Variants in PDZRN3 observed in about 807,000 individuals in gnomAD.
The protein encoded by PDZRN3 is PDZ domain containing ring finger 3, also known as E3 ubiquitin-protein ligase PDZRN3.
In PDZRN3, 38 loss-of-function variants were observed where a neutral mutation model predicts 85.7. The observed-to-expected ratio is 0.44, with a 90% CI of 0.34 to 0.58. The LOEUF is 0.58. PDZRN3 is among the 20% of genes least tolerant of loss of function. The probability of loss-of-function intolerance (pLI) is 0.01; values close to 1 mark genes in which losing one functional copy is unlikely to be tolerated. For synonymous variants in PDZRN3, 759 were observed against 638.0 expected, an observed-to-expected ratio of 1.19 and a Z score of -2.86; for missense variants, 1,629 against 1,506.4, an observed-to-expected ratio of 1.08 and a Z score of -1.35.
At chr3:73,495,055 T>C (rs1375130398) in intron 3 of PDZRN3, among the ~76,000 whole-genome samples, 1 of 152,156 alleles carries the variant, frequency 6.6e-6, no homozygotes, top group East Asian at 1.9e-4. Flanking sequence ...GCTGGAAAAC[T>C]GCCTATGGGG....
intron 3 of PDZRN3, among the ~76,000 whole-genome samples, chr3:73,509,358 G>A (rs1316057136): frequency 2.0e-5 from 3 of 152,154 alleles, no homozygotes; most frequent in Non-Finnish European, 4.4e-5. Context: ...AGACCCATGC[G>A]GTCTCAGCCC....
Position 73,431,166 on chromosome 3 carries a change from A to G in PDZRN3, c.919-26771T>C, listed in dbSNP as rs369169753. ...GTGCATCTTTTAATGCATGGCCCCA[A>G]TCACTGATGCGTCTGCACTCTTTGC... is the stretch of plus-strand genomic sequence containing the variant. On this transcript the variant is annotated intron_variant, in intron 3 of 9. Transcript: ENST00000263666. Among the ~76,000 whole-genome samples the G allele has an allele frequency of 1.4e-3, 208 of 152,330 alleles. 2 individuals are homozygous for G. The highest frequency in any genetic ancestry group is 4.3e-3 in the African/African-American group (179 of 41,578).
At chr3:73,575,894 T>A (rs1702116286) in intron 3 of PDZRN3, among the ~76,000 whole-genome samples, 1 of 152,154 alleles carries the variant, frequency 6.6e-6, no homozygotes. Context: ...TCTTAACAAA[T>A]GTATATTTGA....
At chr3:73,387,524 T>C (rs905938992) in intron 8 of PDZRN3, among the ~76,000 whole-genome samples, 2 of 152,208 alleles carry the variant, frequency 1.3e-5, no homozygotes, top group African/African-American at 4.8e-5. Context: ...CTAGCACTTA[T>C]TCGGTGGTCA....
At chr3:73,424,367 C>CAA (rs66466551) in intron 3 of PDZRN3, among the ~76,000 whole-genome samples, 13,936 of 54,786 alleles carry the variant, frequency 0.25, 2,139 homozygotes, top group East Asian at 0.58. Context: ...CCGTCTCTAC[C>CAA]AAAAAAAAAA....
intron 3 of PDZRN3, among the ~76,000 whole-genome samples, chr3:73,429,122 G>A (rs959317051): frequency 2.6e-5 from 4 of 151,844 alleles, no homozygotes; most frequent in Non-Finnish European, 5.9e-5. Context: ...AGTTGCCCTG[G>A]CCATTCCTGA....
At chr3:73,386,898 C>T (rs1701406228) in intron 8 of PDZRN3, among the ~76,000 whole-genome samples, 1 of 152,154 alleles carries the variant, frequency 6.6e-6, no homozygotes, top group South Asian at 2.1e-4. Context: ...TATGGTTTGG[C>T]TGTCCCCACC....
chr3:73,554,243 C>T (rs746476419), intron 3 of PDZRN3, among the ~76,000 whole-genome samples: 34 of 152,060 alleles, frequency 2.2e-4, no homozygotes, highest in Non-Finnish European at 4.3e-4. Flanking sequence ...ATGCAGCTTA[C>T]GAGGTGTGAC....
intron 3 of PDZRN3, among the ~76,000 whole-genome samples, chr3:73,421,827 T>G (rs1315751459): frequency 6.6e-6 from 1 of 152,160 alleles, no homozygotes; most frequent in African/African-American, 2.4e-5. Context: ...TTTTGTATTT[T>G]TAATAGAAAC....
chr3:73,447,479 T>C (rs1238020037), intron 3 of PDZRN3, among the ~76,000 whole-genome samples: 1 of 152,146 alleles, frequency 6.6e-6, no homozygotes. Context: ...AGTCTACACT[T>C]AACTTCTCTT....
At chr3:73,402,732 T>G (rs1432761415) in intron 4 of PDZRN3, among the ~76,000 whole-genome samples, 1 of 152,130 alleles carries the variant, frequency 6.6e-6, no homozygotes, top group Non-Finnish European at 1.5e-5. Context: ...ATAGGAAACA[T>G]GTGCTCACTC....
intron 3 of PDZRN3, among the ~76,000 whole-genome samples, chr3:73,514,824 T>C (rs1704227679): frequency 6.6e-6 from 1 of 152,240 alleles, no homozygotes; most frequent in African/African-American, 2.4e-5. Context: ...ACAAAGGCTA[T>C]GTTCCCGGTA....
At chr3:73,569,307 A>T in intron 3 of PDZRN3, 2 of 1,236,450 alleles carry the variant, frequency 1.6e-6, no homozygotes, top group Non-Finnish European at 1.0e-6. Flanking sequence ...GATTCTCTCA[A>T]AACAGCCTCA....
chr3:73,478,484 C>A (rs367621901), intron 3 of PDZRN3, among the ~76,000 whole-genome samples: 17 of 152,048 alleles, frequency 1.1e-4, no homozygotes, highest in Non-Finnish European at 1.9e-4. Context: ...AAGGCTCCCA[C>A]TGATTCTAGA....
chr3:73,608,022 C>T (rs1388208502), intron 2 of PDZRN3, among the ~76,000 whole-genome samples: 2 of 152,156 alleles, frequency 1.3e-5, no homozygotes, highest in Non-Finnish European at 2.9e-5. Flanking sequence ...CTCTGGAGCC[C>T]GTTCTTTGAA....
At chr3:73,524,479 G>T (rs1559721613) in intron 3 of PDZRN3, among the ~76,000 whole-genome samples, 2 of 152,182 alleles carry the variant, frequency 1.3e-5, no homozygotes, top group Non-Finnish European at 2.9e-5. Flanking sequence ...GAAAGCACAG[G>T]CTTTGACTGC....
At chr3:73,416,865 GTTTTTTTTTGGTTTTT>G (rs1702093036) in intron 3 of PDZRN3, among the ~76,000 whole-genome samples, 1 of 83,014 alleles carries the variant, frequency 1.2e-5, no homozygotes, top group East Asian at 2.8e-4. Context: ...TTTTTTGTTT[GTTTTTTTTTGGTTTTT>G]TTTTTTTTTT....
At chr3:73,548,797 T>C (rs921459211) in intron 3 of PDZRN3, among the ~76,000 whole-genome samples, 1 of 152,086 alleles carries the variant, frequency 6.6e-6, no homozygotes, top group Non-Finnish European at 1.5e-5. Flanking sequence ...AAATAGATTG[T>C]CGCCAAAGAA....
Position 73,384,067 on chromosome 3 carries a change from C to T in PDZRN3, c.2499G>A (p.Gln833=), listed in dbSNP as rs779368670. Residue 833 remains glutamine (Q), a synonymous_variant, in exon 10 of 10, where the codon CAG becomes CAA. Transcript: ENST00000263666. ...CTCTCCGCTCTTTGCTTTCCAGGGG[C>T]TGGTTGGGGTCCAGCTCCTTCAGGG... ...SPSLKELDPN[Q]PLESKERRAS... 1 of 1,610,062 alleles carries T rather than the reference C, an allele frequency of 6.2e-7. No individual in the cohort carries two copies.
Sources: gnomAD v4.1 joint callset for allele counts (sites outside exome capture counted in the v4.1 genomes callset) on GRCh38, gnomAD v4.1.1 for gene constraint, MANE v1.5 for transcripts, NCBI Gene and HGNC (gene_info 2026-07-23, HGNC 2026-07-21) for gene names.